Variants in SYNE2 observed in about 807,000 individuals in gnomAD.
SYNE2 encodes the protein spectrin repeat containing nuclear envelope protein 2.
In SYNE2, 431 loss-of-function variants were observed where a neutral mutation model predicts 856.3. That is an observed-to-expected ratio of 0.50 (90% CI 0.47 to 0.55). The LOEUF (loss-of-function observed/expected upper bound fraction) is 0.55, where lower values mean the gene tolerates loss of function less well. SYNE2 is among the 20% of genes least tolerant of loss of function. The pLI is 0.00. For synonymous variants in SYNE2, 2,923 were observed against 2,872.3 expected, an observed-to-expected ratio of 1.02 and a Z score of -0.56; for missense variants, 8,129 against 8,023.2, an observed-to-expected ratio of 1.01 and a Z score of -0.50.
chr14:64,212,835 A>C lies in SYNE2; in HGVS notation c.18886A>C (p.Asn6296His). The change falls in exon 105 of 116, where the codon AAT (asparagine) becomes CAT (histidine). Residue 6296 changes from asparagine (N) to histidine (H), a missense_variant. By Grantham distance (68) the Asn-to-His change is moderately conservative (BLOSUM62 1). Coordinates refer to ENST00000555002, the MANE Select transcript of SYNE2 (RefSeq NM_182914.3). ...GGGCTTCCAACAGGAAATTACATTA[A>C]ATACCAACAAGATTGATCAGCTCAT... ...LNGFQQEITL[N>H]TNKIDQLIVF... The C allele has an allele frequency of 6.2e-7, 1 of 1,614,246 alleles. No individual in the cohort carries two copies. Among genetic ancestry groups the C allele is most frequent in the Non-Finnish European group, 8.5e-7 (1 of 1,180,042 alleles).
intron 103 of SYNE2, 103 bp downstream of exon 103, chr14:64,210,227 A>C (rs2140160339): frequency 7.1e-7 from 1 of 1,398,768 alleles, no homozygotes; most frequent in East Asian, 2.5e-5. Flanking sequence ...AGAAGGTTTC[A>C]CTTCAGGCCT....
chr14:63,930,438 G>A (rs1394170371), intron 2 of SYNE2, among the ~76,000 whole-genome samples: 1 of 151,780 alleles, frequency 6.6e-6, no homozygotes, highest in Non-Finnish European at 1.5e-5. Flanking sequence ...GACCTTCTGG[G>A]TTTGTGAACA....
At chr14:64,106,745 T>C (rs1161672228) in intron 64 of SYNE2, among the ~76,000 whole-genome samples, 1 of 152,224 alleles carries the variant, frequency 6.6e-6, no homozygotes, top group East Asian at 1.9e-4. Flanking sequence ...ATTATTTTAT[T>C]TTTTTATGTA....
In SYNE2 at chr14:64,015,972, T is replaced by C. The variant is rs73277540; in HGVS notation, c.4729-501T>C. ...AGTATGTTGCTCAGTTTCCCAGTGA[T>C]TGGAGATTTTCGTTTTGATAAAGTA... On this transcript the variant is annotated intron_variant, in intron 32 of 115. Coordinates refer to ENST00000555002, the MANE Select transcript of SYNE2 (RefSeq NM_182914.3). Among the ~76,000 whole-genome samples, 766 of 152,206 alleles carry C rather than the reference T, an allele frequency of 5.0e-3. 3 individuals carry two copies. The highest frequency in any genetic ancestry group is 0.018 in the African/African-American group (729 of 41,568).
At chr14:64,046,428 C>G (rs1357063218) in intron 45 of SYNE2, among the ~76,000 whole-genome samples, 1 of 152,222 alleles carries the variant, frequency 6.6e-6, no homozygotes, top group Non-Finnish European at 1.5e-5. Flanking sequence ...TCATGGCTCA[C>G]TGTAGCCTCA....
chr14:63,856,652 C>G (rs1259198714), intron 1 of SYNE2, among the ~76,000 whole-genome samples: 1 of 152,066 alleles, frequency 6.6e-6, no homozygotes, highest in Non-Finnish European at 1.5e-5. Flanking sequence ...TGTATGTTCC[C>G]CTCCTTTTTT....
At chr14:64,022,124 T>A in intron 37 of SYNE2, 96 bp downstream of exon 37, 1 of 1,167,518 alleles carries the variant, frequency 8.6e-7, no homozygotes, top group Non-Finnish European at 1.3e-6. Flanking sequence ...GACTTAGAGA[T>A]GGTTTGCACA....
At chr14:64,157,342 C>G (rs1217856443) in intron 85 of SYNE2, among the ~76,000 whole-genome samples, 2 of 152,212 alleles carry the variant, frequency 1.3e-5, no homozygotes, top group African/African-American at 4.8e-5. Flanking sequence ...GAATCATATG[C>G]TATATAGCCT....
chr14:63,832,416 C>T (rs1414153871), intron 1 of SYNE2, among the ~76,000 whole-genome samples: 6 of 151,998 alleles, frequency 3.9e-5, no homozygotes, highest in South Asian at 4.2e-4. Context: ...GCTGGGATTA[C>T]AGGCGTGAGC....
At chr14:64,183,873 C>A (rs552460556) in intron 96 of SYNE2, among the ~76,000 whole-genome samples, 6 of 150,482 alleles carry the variant, frequency 4.0e-5, no homozygotes, top group African/African-American at 1.5e-4. Flanking sequence ...GCAGTACAGT[C>A]CAGCTTTGGC....
chr14:64,033,421 G>C (rs2097058053), intron 45 of SYNE2, among the ~76,000 whole-genome samples: 1 of 152,080 alleles, frequency 6.6e-6, no homozygotes, highest in South Asian at 2.1e-4. Context: ...GCTCACAGCT[G>C]TAATCTCAGC....
chr14:64,125,533 ACCC>A (rs2097936138), intron 71 of SYNE2, among the ~76,000 whole-genome samples: 1 of 152,106 alleles, frequency 6.6e-6, no homozygotes, highest in African/African-American at 2.4e-5. Flanking sequence ...ATGGTTTTCA[ACCC>A]TGAGCAGACT....
intron 46 of SYNE2, chr14:64,048,378 TCA>T: frequency 2.7e-6 from 1 of 364,380 alleles, no homozygotes; most frequent in Non-Finnish European, 4.9e-6. Flanking sequence ...TCTTTCTATT[TCA>T]CAAAGTTCCT....
At chr14:64,081,393 G>A (rs1173656534) in intron 56 of SYNE2, 50 bp from the exon 57 acceptor site, 1 of 1,612,664 alleles carries the variant, frequency 6.2e-7, no homozygotes, top group South Asian at 1.1e-5. Context: ...GAGTCATTCA[G>A]CTCCAGTAAA....
rs2098411170 is a variant in SYNE2, at chr14:64,171,612, AG to A, written c.17235+1152del. Among the ~76,000 whole-genome samples the A allele has an allele frequency of 2.0e-5, 3 of 152,318 alleles. No homozygotes were observed. In the South Asian group the frequency reaches 6.2e-4, roughly 32 times the overall value. ...CTAAGGAAAGAGCCTTTCAGACTGAAGGAGAGGCTTACTCCAAGTCCCCAAG... is the reference window on the plus strand; with the variant it reads ...CTAAGGAAAGAGCCTTTCAGACTGAAGAGAGGCTTACTCCAAGTCCCCAAG... On this transcript the variant is annotated intron_variant, in intron 94 of 115. Coordinates refer to ENST00000555002, the MANE Select transcript of SYNE2 (RefSeq NM_182914.3).
chr14:64,006,688 C>T (rs911128668), intron 30 of SYNE2, among the ~76,000 whole-genome samples: 6 of 151,826 alleles, frequency 4.0e-5, no homozygotes, highest in Non-Finnish European at 5.9e-5. Context: ...ATTAGCCAGG[C>T]GTGGTGGTTC....
intron 94 of SYNE2, among the ~76,000 whole-genome samples, chr14:64,171,029 G>A (rs957189814): frequency 6.6e-6 from 1 of 152,144 alleles, no homozygotes; most frequent in Admixed American, 6.5e-5. Flanking sequence ...TCCATGATGT[G>A]CTTATTGGAC....
rs1227246696 is a variant in SYNE2 at position 64,027,597 on chromosome 14, A to G, written c.6518A>G (p.His2173Arg). ...CAGGAAGCAGGCTTTGCTCTACAACATGGTCTGCAGGAGAAGAAAGCTCAG... is the reference window on the plus strand; with the variant it reads ...CAGGAAGCAGGCTTTGCTCTACAACGTGGTCTGCAGGAGAAGAAAGCTCAG... The part of the protein sequence containing the change: ...KKQEAGFALQ[H>R]GLQEKKAQLK... Residue 2173 changes from histidine to arginine, a missense_variant, in exon 43 of 116, where the codon CAT becomes CGT. By Grantham distance (29) the His-to-Arg change is conservative. Coordinates refer to ENST00000555002, the MANE Select transcript of SYNE2 (RefSeq NM_182914.3). The G allele has an allele frequency of 4.3e-6, 7 of 1,613,990 alleles. No homozygotes were observed. The highest frequency in any genetic ancestry group is 5.9e-6 in the Non-Finnish European group (7 of 1,179,992).
chr14:64,042,015 A>G (rs1228544949), intron 45 of SYNE2, among the ~76,000 whole-genome samples: 2 of 152,114 alleles, frequency 1.3e-5, no homozygotes, highest in Non-Finnish European at 2.9e-5. Flanking sequence ...ATCTTAAGGA[A>G]CTCCACACAT....
Sources: allele counts gnomAD v4.1 joint callset (sites outside exome capture counted in the v4.1 genomes callset), GRCh38; gene constraint gnomAD v4.1.1; transcripts MANE v1.5; gene names NCBI Gene and HGNC (gene_info 2026-07-23, HGNC 2026-07-21).